Variants in ADCY2 observed in about 807,000 individuals in gnomAD.
ADCY2 encodes adenylate cyclase 2.
ADCY2 carries 31 observed loss-of-function variants against 125.2 expected under a neutral mutation model. The observed-to-expected ratio is 0.25, with a 90% CI of 0.19 to 0.33. ADCY2 has a LOEUF of 0.33. Among genes scored for constraint, ADCY2 ranks in the 10% least tolerant of loss-of-function variants. ADCY2 has a pLI of 1.00. For synonymous variants in ADCY2, 512 were observed against 548.4 expected (o/e 0.93, Z 0.93); for missense variants, 904 against 1,418.2 (o/e 0.64, Z 5.82).
rs547549846 is a variant in ADCY2 at position 7,820,668 on chromosome 5, C to T, written c.3102C>T (p.Thr1034=). ...ATGTGGCCAGTAGGATGGACAGCAC[C>T]GGAGTCCTGGACAAAATACAGGTAA... ...TVNVASRMDS[T]GVLDKIQVTE... is the part of the protein sequence containing the mutation. Residue 1034 remains threonine, a synonymous_variant, in exon 24 of 25, where the codon ACC becomes ACT. Coordinates refer to ENST00000338316, the MANE Select transcript of ADCY2 (RefSeq NM_020546.3). 17 of 1,613,662 alleles carry T rather than the reference C, an allele frequency of 1.1e-5. No homozygotes were observed. Among genetic ancestry groups the T allele is most frequent in the South Asian group, 6.6e-5 (6 of 91,046 alleles).
rs564028989 is a variant in ADCY2 at position 7,717,841 on chromosome 5, T to C, written c.1703+604T>C. On this transcript the variant is annotated intron_variant, in intron 12 of 24. Coordinates refer to ENST00000338316, the MANE Select transcript of ADCY2 (RefSeq NM_020546.3). ...GCGCTCATCACCCTTCATGTTCTCC[T>C]TGGGTACGTGTGTCATAACTGAACC... 9.5e-4 allele frequency among the ~76,000 whole-genome samples: 145 copies of C among 152,324 alleles called. 1 individual carries two copies. Among genetic ancestry groups the C allele is most frequent in the African/African-American group, 3.3e-3 (139 of 41,576 alleles).
chr5:7,553,399 T>C (rs1372200465), intron 3 of ADCY2, among the ~76,000 whole-genome samples: 1 of 152,146 alleles, frequency 6.6e-6, no homozygotes, highest in East Asian at 1.9e-4. Context: ...GGCTCTCTAC[T>C]TAGGTCAAAG....
chr5:7,710,906 A>G (rs181998672), intron 10 of ADCY2, among the ~76,000 whole-genome samples: 1 of 152,322 alleles, frequency 6.6e-6, no homozygotes, highest in Admixed American at 6.5e-5. Flanking sequence ...GATGGATTGG[A>G]TATGCATGAA....
At chr5:7,444,889 G>A (rs1315847061) in intron 2 of ADCY2, among the ~76,000 whole-genome samples, 2 of 152,092 alleles carry the variant, frequency 1.3e-5, no homozygotes, top group African/African-American at 4.8e-5. Context: ...TGTGTCCAAA[G>A]GACATTTGAA....
At chr5:7,603,787 TTTTTTTTTTTTTTTTTTTTTTTCTTTTG>T (rs949576386) in intron 3 of ADCY2, among the ~76,000 whole-genome samples, 11 of 87,118 alleles carry the variant, frequency 1.3e-4, no homozygotes, top group African/African-American at 4.0e-4. Flanking sequence ...TCTCTTTCTT[TTTTTTTTTTTTTTTTTTTTTTTCTTTTG>T]TTTTTTTTTT....
At chr5:7,776,842 A>G (rs1367255126) in intron 18 of ADCY2, among the ~76,000 whole-genome samples, 4 of 152,108 alleles carry the variant, frequency 2.6e-5, no homozygotes, top group African/African-American at 4.8e-5. Flanking sequence ...CTCCAACATC[A>G]AAGGTTCTTT....
chr5:7,741,388 A>G (rs1353303835), intron 14 of ADCY2, among the ~76,000 whole-genome samples: 1 of 152,142 alleles, frequency 6.6e-6, no homozygotes, highest in African/African-American at 2.4e-5. Flanking sequence ...ATGAGGTAAT[A>G]ATACTAACTA....
At chr5:7,703,096 T>C (rs1226969727) in intron 7 of ADCY2, among the ~76,000 whole-genome samples, 1 of 152,206 alleles carries the variant, frequency 6.6e-6, no homozygotes, top group East Asian at 1.9e-4. Context: ...TTCTTGTAAA[T>C]TTGTTTGAGT....
At chr5:7,589,776 A>G (rs559899664) in intron 3 of ADCY2, among the ~76,000 whole-genome samples, 1 of 152,260 alleles carries the variant, frequency 6.6e-6, no homozygotes, top group South Asian at 2.1e-4. Flanking sequence ...GGGGTAACCA[A>G]TGATACAGCA....
intron 4 of ADCY2, among the ~76,000 whole-genome samples, chr5:7,654,350 GAGA>G (rs1451512743): frequency 6.6e-6 from 1 of 152,164 alleles, no homozygotes; most frequent in Non-Finnish European, 1.5e-5. Flanking sequence ...ACGGGATCGA[GAGA>G]AGGTTATTTT....
intron 20 of ADCY2, chr5:7,796,115 A>T (rs1744412183): frequency 6.6e-6 from 1 of 152,184 alleles, no homozygotes; most frequent in Non-Finnish European, 1.5e-5. Flanking sequence ...CCTGCCTGGG[A>T]TCAGCTTATA....
rs1028576900 is a variant in ADCY2 at position 7,672,558 on chromosome 5, G to A, written c.721-18133G>A. 1.3e-5 allele frequency among the ~76,000 whole-genome samples: 2 copies of A among 152,010 alleles called. 1 individual carries two copies. The highest frequency in any genetic ancestry group is 2.9e-5 in the Non-Finnish European group (2 of 68,000). ...CACCCAGGCTAGGCTAGAGGGCAGT[G>A]GTGCCATCATGGCTTACTACAGCCT... On this transcript the variant is annotated intron_variant, in intron 4 of 24. Transcript: ENST00000338316.
At chr5:7,505,578 CA>C (rs1257724219) in intron 2 of ADCY2, among the ~76,000 whole-genome samples, 4 of 152,214 alleles carry the variant, frequency 2.6e-5, no homozygotes, top group Non-Finnish European at 5.9e-5. Context: ...CCCACTGAGC[CA>C]ACGCAGATGC....
At chr5:7,512,591 T>C (rs1334000123) in intron 2 of ADCY2, among the ~76,000 whole-genome samples, 2 of 152,180 alleles carry the variant, frequency 1.3e-5, no homozygotes, top group Non-Finnish European at 2.9e-5. Flanking sequence ...GCATAAAATA[T>C]TCCTTGTGAA....
Position 7,757,501 on chromosome 5 carries a change from G to A in ADCY2, c.2009G>A (p.Gly670Asp). The change falls in exon 16 of 25, where the codon GGC becomes GAC. Residue 670 changes from glycine (G) to aspartate (D), a missense_variant. Transcript: ENST00000338316. ...PLLMWLLKSS[G>D]IIANRPWPRI... is the part of the protein sequence containing the mutation. ...CTCATGTGGCTTTTGAAGTCCTCGGGCATCATTGCCAACCGCCCCTGGCCA... is the reference window on the plus strand; with the variant it reads ...CTCATGTGGCTTTTGAAGTCCTCGGACATCATTGCCAACCGCCCCTGGCCA... 1.2e-6 allele frequency: 2 copies of A among 1,613,952 alleles called. No individual in the cohort carries two copies. The highest frequency in any genetic ancestry group is 2.2e-5 in the South Asian group (2 of 91,064).
chr5:7,486,281 A>G (rs1742922589), intron 2 of ADCY2, among the ~76,000 whole-genome samples: 1 of 152,228 alleles, frequency 6.6e-6, no homozygotes. Flanking sequence ...TGGGCACACA[A>G]ATGTACATAT....
chr5:7,513,078 GACACAC>G (rs142515106), intron 2 of ADCY2, among the ~76,000 whole-genome samples: 1 of 123,998 alleles, frequency 8.1e-6, no homozygotes, highest in East Asian at 2.2e-4. Context: ...GAAAATACAT[GACACAC>G]ACACACACAC....
intron 20 of ADCY2, chr5:7,801,586 C>A (rs1744595716): frequency 6.6e-6 from 1 of 152,222 alleles, no homozygotes; most frequent in Non-Finnish European, 1.5e-5. Context: ...ATTATGGAAA[C>A]ACCTTGAAAT....
At chr5:7,558,459 T>C (rs1228156919) in intron 3 of ADCY2, among the ~76,000 whole-genome samples, 1 of 152,232 alleles carries the variant, frequency 6.6e-6, no homozygotes, top group Non-Finnish European at 1.5e-5. Flanking sequence ...TTTTATTATA[T>C]GATTGTTGGC....
Sources: allele counts gnomAD v4.1 joint callset (sites outside exome capture counted in the v4.1 genomes callset), GRCh38; gene constraint gnomAD v4.1.1; transcripts MANE v1.5; gene names NCBI Gene and HGNC (gene_info 2026-07-23, HGNC 2026-07-21).